The following SLC35F3 variants were observed in gnomAD, a reference collection of about 807,000 sequenced individuals.
SLC35F3 encodes the protein solute carrier family 35 member F3, also known as putative thiamine transporter SLC35F3.
Under a neutral mutation model 49.9 loss-of-function variants are expected in SLC35F3, and 25 were observed. That is an observed-to-expected ratio of 0.50 (90% confidence interval 0.37 to 0.70). The LOEUF (loss-of-function observed/expected upper bound fraction) is 0.70. SLC35F3 is among the 30% of genes least tolerant of loss of function. The probability of loss-of-function intolerance (pLI) is 0.00; values close to 1 mark genes in which losing one functional copy is unlikely to be tolerated. For synonymous variants in SLC35F3, 275 were observed against 265.4 expected, an observed-to-expected ratio of 1.04 and a Z score of -0.35; for missense variants, 525 against 639.8, an observed-to-expected ratio of 0.82 and a Z score of 1.94.
At chr1:234,229,406 CTTT>C (rs1173009631) in intron 2 of SLC35F3, among the ~76,000 whole-genome samples, 1 of 152,204 alleles carries the variant, frequency 6.6e-6, no homozygotes, top group Non-Finnish European at 1.5e-5. Context: ...AGAACAACTT[CTTT>C]AATCCAAATC....
chr1:233,930,099 T>C (rs1195436656), intron 2 of SLC35F3, among the ~76,000 whole-genome samples: 1 of 151,662 alleles, frequency 6.6e-6, no homozygotes, highest in Non-Finnish European at 1.5e-5. Context: ...TGATGAGCTA[T>C]GATTCTGCTA....
Position 234,195,013 on chromosome 1 carries a change from T to C in SLC35F3, c.284-36404T>C, listed in dbSNP as rs641318. 3.3e-3 allele frequency among the ~76,000 whole-genome samples: 498 copies of C among 152,284 alleles called. 5 individuals are homozygous for C. The highest frequency in any genetic ancestry group is 0.011 in the African/African-American group (476 of 41,544). On this transcript the variant is annotated intron_variant, in intron 2 of 7. Coordinates refer to ENST00000366618, the MANE Select transcript of SLC35F3 (RefSeq NM_173508.4). ...ATCCTCCAGGCAGCTTTACTGTGGA[T>C]ACCCCAAGACACTTCTTTCTGAGCA...
rs554888011 is a variant in SLC35F3 at position 233,951,706 on chromosome 1, T to G, written c.283+45948T>G. On this transcript the variant is annotated intron_variant, in intron 2 of 7. Transcript: ENST00000366618. Reference sequence around the variant, plus strand: ...TGTAACCTTTCCACATGTAGATGATTCTTCTTCTTCTTTTTGTGTGTGTGT... The same window carrying G: ...TGTAACCTTTCCACATGTAGATGATGCTTCTTCTTCTTTTTGTGTGTGTGT... Among the ~76,000 whole-genome samples the G allele has an allele frequency of 8.2e-4, 125 of 151,882 alleles. 1 individual carries two copies. The East Asian group carries it at 0.016, about 19-fold the overall frequency.
chr1:234,095,293 A>G (rs1403902203), intron 2 of SLC35F3, among the ~76,000 whole-genome samples: 2 of 152,172 alleles, frequency 1.3e-5, no homozygotes, highest in Non-Finnish European at 2.9e-5. Context: ...GGTGAGCTGG[A>G]TTTAAACAGA....
chr1:234,247,812 T>TTGATGGA lies in SLC35F3; in HGVS notation c.608+16072_608+16073insGATGGAT, dbSNP rs1274982498. On this transcript the variant is annotated intron_variant, in intron 3 of 7. Transcript: ENST00000366618. ...GTGGGTTGGTTGGCTGGTCCATTGT[T>TTGATGGA]TCATGGGTCAGTTGGCTGGTGCATT... 2.1e-4 allele frequency among the ~76,000 whole-genome samples: 30 copies of TTGATGGA among 140,446 alleles called. 1 individual carries two copies. Among genetic ancestry groups the TTGATGGA allele is most frequent in the Middle Eastern group, 7.4e-3 (2 of 272 alleles). The allele number at this position is 140,446 out of a possible 152,430, so 92.1% of individuals were successfully genotyped here.
intron 2 of SLC35F3, among the ~76,000 whole-genome samples, chr1:234,120,746 G>A (rs1156334292): frequency 3.3e-5 from 5 of 152,142 alleles, no homozygotes; most frequent in African/African-American, 4.8e-5. Flanking sequence ...ATGAGTCACC[G>A]CCATGCCCTG....
At chr1:234,117,041 T>G (rs1035731788) in intron 2 of SLC35F3, among the ~76,000 whole-genome samples, 10 of 152,318 alleles carry the variant, frequency 6.6e-5, no homozygotes, top group African/African-American at 2.2e-4. Flanking sequence ...GTAGATTGCC[T>G]TCTTATTACC....
At chr1:233,912,310 T>G (rs1019980579) in intron 2 of SLC35F3, among the ~76,000 whole-genome samples, 1 of 151,982 alleles carries the variant, frequency 6.6e-6, no homozygotes, top group Non-Finnish European at 1.5e-5. Flanking sequence ...AAACCCCGTC[T>G]CTACTAAAAA....
At chr1:234,212,116 A>G (rs1226276615) in intron 2 of SLC35F3, among the ~76,000 whole-genome samples, 2 of 152,186 alleles carry the variant, frequency 1.3e-5, no homozygotes, top group African/African-American at 4.8e-5. Context: ...GCCTTCCACC[A>G]TGATTGTGAG....
At chr1:234,229,507 G>T (rs1189811777) in intron 2 of SLC35F3, among the ~76,000 whole-genome samples, 2 of 152,176 alleles carry the variant, frequency 1.3e-5, no homozygotes, top group Non-Finnish European at 2.9e-5. Context: ...TGCCTAGTTT[G>T]CTAAGTTTTA....
Position 234,173,967 on chromosome 1 carries a change from C to T in SLC35F3, c.284-57450C>T, listed in dbSNP as rs1483301760. 2.0e-5 allele frequency among the ~76,000 whole-genome samples: 3 copies of T among 152,294 alleles called. No homozygotes were observed. The East Asian group carries it at 5.8e-4, about 29-fold the overall frequency. ...TGTGCCCATGTGTGCCCCACAGGAC[C>T]CCTGTGTACAGCAGAAAAGGGGCTA... On this transcript the variant is annotated intron_variant, in intron 2 of 7. Transcript: ENST00000366618.
intron 3 of SLC35F3, among the ~76,000 whole-genome samples, chr1:234,232,533 A>AG (rs1440101939): frequency 6.6e-6 from 1 of 151,070 alleles, no homozygotes; most frequent in Non-Finnish European, 1.5e-5. Flanking sequence ...AAAAAAAAAA[A>AG]AAAAAAAGAA....
intron 3 of SLC35F3, among the ~76,000 whole-genome samples, chr1:234,234,187 G>A (rs546584316): frequency 9.8e-5 from 15 of 152,330 alleles, no homozygotes; most frequent in African/African-American, 2.9e-4. Flanking sequence ...CTGAGGAGAT[G>A]AGTCTCTTGG....
chr1:234,304,101 C>T (rs1007964889), intron 3 of SLC35F3, among the ~76,000 whole-genome samples: 1 of 146,718 alleles, frequency 6.8e-6, no homozygotes, highest in Non-Finnish European at 1.5e-5. Flanking sequence ...CTTCCTTCTT[C>T]CTCTCTCCCT....
rs138771590 is a variant in SLC35F3, at chr1:233,915,013, G to T, written c.283+9255G>T. Among the ~76,000 whole-genome samples the T allele has an allele frequency of 1.0e-3, 156 of 152,300 alleles. 2 individuals carry two copies. The highest frequency in any genetic ancestry group is 3.7e-3 in the African/African-American group (154 of 41,572). On this transcript the variant is annotated intron_variant, in intron 2 of 7. Transcript: ENST00000366618. ...CATTTGAGATTGGAGGAAACGAATTGCTCTCCTCAGGTGATTTGCAGTGTT... is the reference window on the plus strand; with the variant it reads ...CATTTGAGATTGGAGGAAACGAATTTCTCTCCTCAGGTGATTTGCAGTGTT...
chr1:234,151,676 A>C (rs1408554784), intron 2 of SLC35F3, among the ~76,000 whole-genome samples: 1 of 152,046 alleles, frequency 6.6e-6, no homozygotes, highest in Non-Finnish European at 1.5e-5. Context: ...TAAGAGAAAT[A>C]AAAGGTAAAA....
chr1:234,240,799 A>G (rs374098478), intron 3 of SLC35F3, among the ~76,000 whole-genome samples: 5 of 152,330 alleles, frequency 3.3e-5, no homozygotes, highest in African/African-American at 1.2e-4. Flanking sequence ...TGGAGCCCAC[A>G]GCAAGAAGGA....
chr1:233,953,003 T>C (rs1662632356), intron 2 of SLC35F3, among the ~76,000 whole-genome samples: 1 of 152,186 alleles, frequency 6.6e-6, no homozygotes. Context: ...ATCTTTAGCC[T>C]GTGAGAGATG....
chr1:234,022,605 T>C (rs1663912995), intron 2 of SLC35F3, among the ~76,000 whole-genome samples: 1 of 152,166 alleles, frequency 6.6e-6, no homozygotes, highest in South Asian at 2.1e-4. Context: ...TCTAGACTGG[T>C]GTTTGACCAA....
Sources: allele counts gnomAD v4.1 joint callset (sites outside exome capture counted in the v4.1 genomes callset), GRCh38; gene constraint gnomAD v4.1.1; transcripts MANE v1.5; gene names NCBI Gene and HGNC (gene_info 2026-07-23, HGNC 2026-07-21).